IQCH: variants seen among roughly 807,000 people sequenced by gnomAD.
The protein encoded by IQCH is IQ domain-containing protein H.
A neutral mutation model predicts 117.0 loss-of-function variants in IQCH; 98 were observed. The ratio of observed to expected loss-of-function variants is 0.84; its 90% CI spans 0.71 to 0.99. The LOEUF (loss-of-function observed/expected upper bound fraction) is 0.99. IQCH is among the 50% of genes least tolerant of loss of function. The probability of loss-of-function intolerance (pLI) is 0.00; values close to 1 mark genes in which losing one functional copy is unlikely to be tolerated. For synonymous variants in IQCH, 412 were observed against 448.2 expected (o/e 0.92, Z 1.02); for missense variants, 1,102 against 1,243.8 (o/e 0.89, Z 1.72).
chr15:67,461,267 C>T (rs867172006), intron 16 of IQCH, among the ~76,000 whole-genome samples: 2 of 152,116 alleles, frequency 1.3e-5, no homozygotes, highest in Non-Finnish European at 2.9e-5. Context: ...GGGCCTGGCA[C>T]GGAGGAGGTG....
At chr15:67,372,010 C>A in intron 8 of IQCH, 101 bp from the exon 9 acceptor site, 1 of 1,008,834 alleles carries the variant, frequency 9.9e-7, no homozygotes, top group Non-Finnish European at 1.4e-6. Context: ...TATCTTCCCA[C>A]CATTGAATGC....
intron 20 of IQCH, among the ~76,000 whole-genome samples, chr15:67,495,030 A>G (rs1368048471): frequency 6.6e-6 from 1 of 152,234 alleles, no homozygotes; most frequent in East Asian, 1.9e-4. Flanking sequence ...CTGAACAGAG[A>G]TGATCACGTG....
At chr15:67,266,932 A>G (rs1271015058) in intron 3 of IQCH, among the ~76,000 whole-genome samples, 1 of 152,236 alleles carries the variant, frequency 6.6e-6, no homozygotes, top group Non-Finnish European at 1.5e-5. Flanking sequence ...CTTTTTGCAG[A>G]AAGCCTTAAG....
Position 67,365,766 on chromosome 15 carries a change from C to G in IQCH, c.753+5881C>G, listed in dbSNP as rs1970310027. Reference sequence around the variant, plus strand: ...ACAACATGGTGAAACCCTATCTCTACTAAAAATATAAAAGTTAGCCGGGTG... The same window carrying G: ...ACAACATGGTGAAACCCTATCTCTAGTAAAAATATAAAAGTTAGCCGGGTG... On this transcript the variant is annotated intron_variant, in intron 8 of 20. Transcript: ENST00000335894. This position sits in a 1 kb window ranked among gnomAD's most constrained non-coding sequence, Gnocchi z 4.4. Among the ~76,000 whole-genome samples, 3 of 152,090 alleles carry G rather than the reference C, an allele frequency of 2.0e-5. No individual in the cohort carries two copies. Among genetic ancestry groups the G allele is most frequent in the Non-Finnish European group, 2.9e-5 (2 of 68,008 alleles).
intron 14 of IQCH, among the ~76,000 whole-genome samples, chr15:67,414,654 CAA>C (rs75110547): frequency 3.7e-5 from 5 of 135,888 alleles, no homozygotes; most frequent in Non-Finnish European, 3.2e-5. Flanking sequence ...TCCCCAACAC[CAA>C]AAAAAAAATA....
intron 4 of IQCH, among the ~76,000 whole-genome samples, chr15:67,305,832 A>G (rs1475659362): frequency 2.0e-5 from 3 of 152,142 alleles, no homozygotes; most frequent in African/African-American, 7.2e-5. Context: ...ATTATATCCA[A>G]AACTTGGGGC....
chr15:67,441,741 A>G (rs1234666206), intron 16 of IQCH, among the ~76,000 whole-genome samples: 3 of 152,252 alleles, frequency 2.0e-5, no homozygotes, highest in Non-Finnish European at 4.4e-5. Flanking sequence ...TCAACTCAAG[A>G]TAGATTAAGG....
rs755165096 is a variant in IQCH at position 67,254,922 on chromosome 15, A to T, written c.26A>T (p.Asp9Val). The change falls in exon 1 of 21, where the codon GAC becomes GTC. Residue 9 changes from aspartate to valine, a missense_variant. By Grantham distance (152) the Asp-to-Val change is radical. Coordinates refer to ENST00000335894, the MANE Select transcript of IQCH (RefSeq NM_001031715.3). Reference protein sequence around the residue: MAQNTENHDPVGSILIQIH... With the variant: MAQNTENHVPVGSILIQIH... ...ATGGCACAGAACACTGAAAACCACG[A>T]CCCTGTCGGATCCATCTTAATCCAG... The T allele has an allele frequency of 6.2e-7, 1 of 1,613,618 alleles. No individual in the cohort carries two copies. The highest frequency in any genetic ancestry group is 8.5e-7 in the Non-Finnish European group (1 of 1,179,788).
At chr15:67,396,415 C>A (rs1030898398) in intron 13 of IQCH, among the ~76,000 whole-genome samples, 2 of 151,320 alleles carry the variant, frequency 1.3e-5, no homozygotes, top group African/African-American at 2.4e-5. Flanking sequence ...TGTCTGTTTT[C>A]GTTTTGCCTT....
chr15:67,365,092 C>T lies in IQCH; in HGVS notation c.753+5207C>T, dbSNP rs920405081. On this transcript the variant is annotated intron_variant, in intron 8 of 20. Transcript: ENST00000335894. This position sits in a 1 kb window ranked among gnomAD's most constrained non-coding sequence, Gnocchi z 4.4. ...GAGTAGCTGGGACTACAGGCATATG[C>T]CACCACGCCCAGCTAATTTTTCTGG... 6.6e-6 allele frequency among the ~76,000 whole-genome samples: 1 copy of T among 152,122 alleles called. No homozygotes were observed. The highest frequency in any genetic ancestry group is 1.5e-5 in the Non-Finnish European group (1 of 68,022).
At position 67,406,351 on chromosome 15, in the gene IQCH, T is replaced by C. The variant is rs1218704203; in HGVS notation, c.2097+6046T>C. 2 of 152,162 alleles carry C rather than the reference T, an allele frequency of 1.3e-5. No homozygotes were observed. Among genetic ancestry groups the C allele is most frequent in the Non-Finnish European group, 2.9e-5 (2 of 68,076 alleles). The allele number at this position is 152,162 out of a possible 1,614,324, so 9.4% of individuals were successfully genotyped here. On this transcript the variant is annotated intron_variant, in intron 14 of 20. Coordinates refer to ENST00000335894, the MANE Select transcript of IQCH (RefSeq NM_001031715.3). The surrounding 1 kb of genome is among the most constrained non-coding windows in gnomAD (Gnocchi z 4.5). ...GAGTTCAAGACCAGCCTGGGCAATA[T>C]AGTGAGACCCTATCTCTACAAAAAA...
At chr15:67,471,143 A>G (rs1363370976) in intron 17 of IQCH, among the ~76,000 whole-genome samples, 1 of 151,992 alleles carries the variant, frequency 6.6e-6, no homozygotes, top group Non-Finnish European at 1.5e-5. Context: ...CAGTTTTTTC[A>G]TATTACAGTG....
chr15:67,273,882 G>T (rs1282895854), intron 3 of IQCH, among the ~76,000 whole-genome samples: 1 of 152,176 alleles, frequency 6.6e-6, no homozygotes, highest in Non-Finnish European at 1.5e-5. Context: ...CTCAGCTTTT[G>T]TCCGTCTGGG....
In IQCH at chr15:67,447,681, C is replaced by G. The variant is rs2140982012; in HGVS notation, c.2506-17446C>G. Among the ~76,000 whole-genome samples the G allele has an allele frequency of 6.6e-6, 1 of 152,224 alleles. No individual in the cohort carries two copies. Among genetic ancestry groups the G allele is most frequent in the African/African-American group, 2.4e-5 (1 of 41,538 alleles). On this transcript the variant is annotated intron_variant, in intron 16 of 20. Transcript: ENST00000335894. The surrounding 1 kb of genome is among the most constrained non-coding windows in gnomAD (Gnocchi z 5.3). ...GGAGGACAGGAGAAGGTGGAAACAT[C>G]TGGGACAAAGCTTTTCTGAGCCACC... is the stretch of plus-strand genomic sequence containing the variant.
chr15:67,482,769 A>C (rs1476622922), intron 18 of IQCH, among the ~76,000 whole-genome samples: 1 of 152,196 alleles, frequency 6.6e-6, no homozygotes, highest in Admixed American at 6.5e-5. Flanking sequence ...CTAAGATGCT[A>C]CGTGGGAAAC....
Position 67,348,818 on chromosome 15 carries a change from A to G in IQCH, c.637+4627A>G, listed in dbSNP as rs570172839. Among the ~76,000 whole-genome samples, 164 of 152,332 alleles carry G rather than the reference A, an allele frequency of 1.1e-3. 1 individual carries two copies. Among genetic ancestry groups the G allele is most frequent in the Non-Finnish European group, 1.1e-3 (74 of 68,020 alleles). Reference sequence around the variant, plus strand: ...GCTACAATAGCTAGTACAATTGTGAAAAAGGAAAACAGCATTGGAGGACTC... The same window carrying G: ...GCTACAATAGCTAGTACAATTGTGAGAAAGGAAAACAGCATTGGAGGACTC... On this transcript the variant is annotated intron_variant, in intron 6 of 20. Transcript: ENST00000335894.
At position 67,337,097 on chromosome 15, in the gene IQCH, T is replaced by C. The variant is rs573493220; in HGVS notation, c.508+2T>C. ...TCTTACAAGCAGATGCCCACAAAGG[T>C]TAGTGATTCAATAGCCATTTTACGT... On this transcript the variant is annotated splice_donor_variant, in intron 5 of 20. Transcript: ENST00000335894. LOFTEE classifies it high-confidence loss of function. 1 of 1,612,668 alleles carries C rather than the reference T, an allele frequency of 6.2e-7. No homozygotes were observed. Among genetic ancestry groups the C allele is most frequent in the South Asian group, 1.1e-5 (1 of 90,910 alleles).
chr15:67,381,316 G>C lies in IQCH; in HGVS notation c.1373-3620G>C, dbSNP rs746399089. On this transcript the variant is annotated intron_variant, in intron 10 of 20. Coordinates refer to ENST00000335894, the MANE Select transcript of IQCH (RefSeq NM_001031715.3). The surrounding 1 kb of genome is among the most constrained non-coding windows in gnomAD (Gnocchi z 5.1). ...TGATGAGCAACCTTGGTTCAGTGGG[G>C]GACCAGAAGTAGTAGATGAGTAACT... 6.6e-6 allele frequency among the ~76,000 whole-genome samples: 1 copy of C among 152,186 alleles called. No individual in the cohort carries two copies. The highest frequency in any genetic ancestry group is 1.5e-5 in the Non-Finnish European group (1 of 68,022).
At chr15:67,305,520 A>G (rs1483689199) in intron 4 of IQCH, among the ~76,000 whole-genome samples, 1 of 152,098 alleles carries the variant, frequency 6.6e-6, no homozygotes. Context: ...ATAATGTGAA[A>G]GGGTTTTTAT....
Sources: gnomAD v4.1 joint callset for allele counts (sites outside exome capture counted in the v4.1 genomes callset) on GRCh38, gnomAD v4.1.1 for gene constraint, Gnocchi (gnomAD v3.1) non-coding constraint, MANE v1.5 for transcripts, NCBI Gene and HGNC (gene_info 2026-07-23, HGNC 2026-07-21) for gene names.